DENND2A: variants seen among roughly 807,000 people sequenced by gnomAD.
The protein encoded by DENND2A is DENN domain containing 2A.
DENND2A carries 53 observed loss-of-function variants against 105.3 expected under a neutral mutation model. The ratio of observed to expected loss-of-function variants is 0.50; its 90% CI spans 0.40 to 0.63. DENND2A has a LOEUF of 0.63. DENND2A is among the 30% of genes least tolerant of loss of function. The pLI is 0.00. For synonymous variants in DENND2A, 522 were observed against 508.4 expected (o/e 1.03, Z -0.36); for missense variants, 1,138 against 1,279.6 (o/e 0.89, Z 1.69).
chr7:140,559,667 C>G lies in DENND2A; in HGVS notation c.1889+41G>C. ...CTGTAACCCCGTCTCTAAGTCTCGC[C>G]TTAGTCTTTGGGGCTGCGAAGGGGA... On this transcript the variant is annotated intron_variant, in intron 10 of 19. Transcript: ENST00000496613. This position sits in a 1 kb window ranked among gnomAD's most constrained non-coding sequence, Gnocchi z 4.1. The G allele has an allele frequency of 6.8e-7, 1 of 1,477,148 alleles. No homozygotes were observed. Among genetic ancestry groups the G allele is most frequent in the Non-Finnish European group, 9.5e-7 (1 of 1,057,412 alleles). The allele number at this position is 1,477,148 out of a possible 1,614,324, so 91.5% of individuals were successfully genotyped here.
At chr7:140,592,711 T>G (rs1345224864) in intron 3 of DENND2A, among the ~76,000 whole-genome samples, 1 of 151,974 alleles carries the variant, frequency 6.6e-6, no homozygotes, top group Admixed American at 6.6e-5. Flanking sequence ...GCAATTCTCC[T>G]GCCTCAGCCT....
rs905648228 is a variant in DENND2A, at chr7:140,631,515, G to A, written c.-248+8989C>T. On this transcript the variant is annotated intron_variant, in intron 1 of 19. Transcript: ENST00000496613. ...CTCTCTGTGGTGCTGGAATCTTCAA[G>A]TCTGATTGTTTTGAGAGGGATTAAG... Among the ~76,000 whole-genome samples the A allele has an allele frequency of 2.0e-5, 3 of 152,218 alleles. No homozygotes were observed. In the South Asian group the frequency reaches 6.2e-4, roughly 32 times the overall value.
chr7:140,563,153 C>G (rs1279109466), intron 9 of DENND2A, among the ~76,000 whole-genome samples: 1 of 152,212 alleles, frequency 6.6e-6, no homozygotes, highest in Non-Finnish European at 1.5e-5. Context: ...ACAAAGGAAA[C>G]AGCATTCAGG....
intron 12 of DENND2A, among the ~76,000 whole-genome samples, chr7:140,549,223 TAA>T (rs200550587): frequency 2.1e-5 from 3 of 139,620 alleles, no homozygotes; most frequent in African/African-American, 7.8e-5. Context: ...CAAAACCATC[TAA>T]AAAAAAAAAG....
chr7:140,526,169 T>A (rs1239167687), intron 15 of DENND2A, among the ~76,000 whole-genome samples: 1 of 152,190 alleles, frequency 6.6e-6, no homozygotes, highest in Non-Finnish European at 1.5e-5. Context: ...CCCTGCCTTG[T>A]CCTTCCCCCA....
intron 4 of DENND2A, among the ~76,000 whole-genome samples, chr7:140,586,183 T>G (rs1260297737): frequency 6.6e-6 from 1 of 151,596 alleles, no homozygotes; most frequent in African/African-American, 2.4e-5. Context: ...GTGGGGACGC[T>G]GGGAAGCCTG....
At chr7:140,567,609 C>T (rs573516400) in intron 8 of DENND2A, among the ~76,000 whole-genome samples, 2 of 152,162 alleles carry the variant, frequency 1.3e-5, no homozygotes, top group African/African-American at 2.4e-5. Context: ...TGGGCAGAGG[C>T]TGAAGATGTC....
At chr7:140,598,930 TGATTA>T (rs1056470426) in intron 3 of DENND2A, among the ~76,000 whole-genome samples, 1 of 151,834 alleles carries the variant, frequency 6.6e-6, no homozygotes, top group Non-Finnish European at 1.5e-5. Flanking sequence ...AGAGACAAAG[TGATTA>T]TTATTTTTTT....
intron 11 of DENND2A, among the ~76,000 whole-genome samples, chr7:140,557,508 AG>A (rs1455014984): frequency 9.1e-5 from 2 of 21,932 alleles, no homozygotes; most frequent in Non-Finnish European, 2.6e-4. Flanking sequence ...TTTATTTTTT[AG>A]TATATATATA....
At chr7:140,564,280 CAAAAAAA>C (rs142073371) in intron 9 of DENND2A, among the ~76,000 whole-genome samples, 1 of 128,392 alleles carries the variant, frequency 7.8e-6, no homozygotes, top group Middle Eastern at 4.0e-3. Context: ...GAGACTGTGT[CAAAAAAA>C]AAAAAAAAAA....
intron 9 of DENND2A, among the ~76,000 whole-genome samples, chr7:140,562,587 G>A (rs974559466): frequency 2.0e-5 from 3 of 152,090 alleles, no homozygotes; most frequent in African/African-American, 7.2e-5. Flanking sequence ...GCGTGAATCC[G>A]GGAGGCAGAG....
At chr7:140,542,714 C>T (rs571540119) in intron 14 of DENND2A, among the ~76,000 whole-genome samples, 92 of 152,070 alleles carry the variant, frequency 6.0e-4, no homozygotes, top group African/African-American at 2.1e-3. Flanking sequence ...AGGCGTGGAC[C>T]ACCACGCCCA....
Position 140,578,011 on chromosome 7 carries a change from C to T in DENND2A, c.1246-4003G>A, listed in dbSNP as rs79659279. Among the ~76,000 whole-genome samples, 223 of 152,238 alleles carry T rather than the reference C, an allele frequency of 1.5e-3. 3 individuals are homozygous for T. The East Asian group carries it at 0.033, about 23-fold the overall frequency. ...CACCAACATGTATGGCACCTAAATC[C>T]CATTGTGTCCCTCTGGAGTAACCTC... On this transcript the variant is annotated intron_variant, in intron 5 of 19. Coordinates refer to ENST00000496613, the MANE Select transcript of DENND2A (RefSeq NM_015689.5).
At chr7:140,557,522 T>TATATATATATATAC (rs1797415383) in intron 11 of DENND2A, among the ~76,000 whole-genome samples, 1 of 30,078 alleles carries the variant, frequency 3.3e-5, no homozygotes, top group Non-Finnish European at 8.4e-5. Context: ...TATATATATA[T>TATATATATATATAC]ATATATATAT....
At chr7:140,627,666 C>T (rs1161825785) in intron 1 of DENND2A, among the ~76,000 whole-genome samples, 1 of 151,818 alleles carries the variant, frequency 6.6e-6, no homozygotes, top group Non-Finnish European at 1.5e-5. Flanking sequence ...GGACCAAAGG[C>T]GTGCACTGCA....
chr7:140,588,471 C>T (rs1585700855), intron 3 of DENND2A, among the ~76,000 whole-genome samples: 1 of 152,080 alleles, frequency 6.6e-6, no homozygotes, highest in Non-Finnish European at 1.5e-5. Context: ...TCATCCAAGT[C>T]TAAAAGGCTT....
intron 2 of DENND2A, among the ~76,000 whole-genome samples, chr7:140,604,280 T>G (rs983925880): frequency 1.4e-4 from 22 of 152,268 alleles, no homozygotes; most frequent in Non-Finnish European, 2.5e-4. Flanking sequence ...AGTGGAGACA[T>G]TAGCACATAA....
intron 1 of DENND2A, among the ~76,000 whole-genome samples, chr7:140,635,694 T>C (rs1208751307): frequency 6.6e-6 from 1 of 152,218 alleles, no homozygotes; most frequent in African/African-American, 2.4e-5. Context: ...TGGTTTCCCA[T>C]AGTTCAGCCA....
chr7:140,521,344 G>T, intron 18 of DENND2A, among the ~76,000 whole-genome samples: 1 of 151,992 alleles, frequency 6.6e-6, no homozygotes, highest in East Asian at 1.9e-4. Context: ...CATGATCTCG[G>T]CTTATTGCAA....
Sources: allele counts gnomAD v4.1 joint callset (sites outside exome capture counted in the v4.1 genomes callset), GRCh38; gene constraint gnomAD v4.1.1; non-coding constraint Gnocchi (gnomAD v3.1); transcripts MANE v1.5; gene names NCBI Gene and HGNC (gene_info 2026-07-23, HGNC 2026-07-21).